ADCY9: variants seen among roughly 807,000 people sequenced by gnomAD.
ADCY9 encodes adenylate cyclase type 9.
A neutral mutation model predicts 101.5 loss-of-function variants in ADCY9; 50 were observed. That is an observed-to-expected ratio of 0.49 (90% confidence interval 0.39 to 0.62). The LOEUF is 0.62. Among genes scored for constraint, ADCY9 ranks in the 20% least tolerant of loss-of-function variants. ADCY9 has a pLI of 0.00. For synonymous variants in ADCY9, 905 were observed against 769.3 expected, an observed-to-expected ratio of 1.18 and a Z score of -2.92; for missense variants, 1,662 against 1,800.4, an observed-to-expected ratio of 0.92 and a Z score of 1.39.
chr16:3,962,477 CAT>C (rs1197086947), downstream of ADCY9, among the ~76,000 whole-genome samples: 3 of 152,030 alleles, frequency 2.0e-5, no homozygotes, highest in Non-Finnish European at 4.4e-5. Context: ...AAAAAAATAA[CAT>C]AAACACAAAC....
intron 6 of ADCY9, among the ~76,000 whole-genome samples, chr16:3,985,786 T>C (rs910810196): frequency 1.3e-5 from 2 of 152,108 alleles, no homozygotes; most frequent in African/African-American, 4.8e-5. Context: ...CAGTCTCTCC[T>C]GCCTGCCCTG....
At chr16:4,020,895 A>G (rs1320997324) in intron 2 of ADCY9, among the ~76,000 whole-genome samples, 1 of 152,166 alleles carries the variant, frequency 6.6e-6, no homozygotes, top group African/African-American at 2.4e-5. Flanking sequence ...ATGTTTTAGA[A>G]TAAAGAAACA....
intron 2 of ADCY9, among the ~76,000 whole-genome samples, chr16:4,090,528 C>T (rs1030927717): frequency 2.0e-5 from 3 of 151,988 alleles, no homozygotes; most frequent in East Asian, 3.8e-4. Context: ...CACTGCTGGC[C>T]GTGGAAACCG....
rs557688427 is a variant in ADCY9 at position 4,014,384 on chromosome 16, G to T, written c.1694-6826C>A. On this transcript the variant is annotated intron_variant, in intron 2 of 10. Coordinates refer to ENST00000294016, the MANE Select transcript of ADCY9 (RefSeq NM_001116.4). ...ATATGAGATGGATTTATGGAAGAAAGTGAAAGAAACAAAGGGTAGGCACCT... is the reference window on the plus strand; with the variant it reads ...ATATGAGATGGATTTATGGAAGAAATTGAAAGAAACAAAGGGTAGGCACCT... Among the ~76,000 whole-genome samples, 19 of 151,412 alleles carry T rather than the reference G, an allele frequency of 1.3e-4. 1 individual carries two copies. Among genetic ancestry groups the T allele is most frequent in the Non-Finnish European group, 2.2e-4 (15 of 67,878 alleles).
chr16:4,028,010 T>C (rs538016690), intron 2 of ADCY9, among the ~76,000 whole-genome samples: 1 of 152,210 alleles, frequency 6.6e-6, no homozygotes, highest in South Asian at 2.1e-4. Context: ...ATGTGGGAAT[T>C]GTGGGAGTCA....
intron 5 of ADCY9, among the ~76,000 whole-genome samples, chr16:3,954,384 A>G (rs1008722159): frequency 2.6e-5 from 4 of 152,044 alleles, no homozygotes; most frequent in African/African-American, 7.2e-5. Context: ...CTGGTCTGAG[A>G]GCCTGGCGTG....
chr16:4,107,224 G>GT (rs2057082846), intron 2 of ADCY9, among the ~76,000 whole-genome samples: 1 of 152,140 alleles, frequency 6.6e-6, no homozygotes, highest in Non-Finnish European at 1.5e-5. Flanking sequence ...CTGAGAGGCT[G>GT]TATTTCCACG....
At chr16:4,023,846 G>A (rs1463273446) in intron 2 of ADCY9, among the ~76,000 whole-genome samples, 26 of 152,072 alleles carry the variant, frequency 1.7e-4, no homozygotes. Context: ...GGAGGTGGAG[G>A]CTGCAGTGGG....
chr16:4,104,872 G>A (rs997786013), intron 2 of ADCY9, among the ~76,000 whole-genome samples: 4 of 151,794 alleles, frequency 2.6e-5, no homozygotes, highest in African/African-American at 9.7e-5. Flanking sequence ...TGGGTCGGGC[G>A]CAGTGGCTAA....
intron 2 of ADCY9, among the ~76,000 whole-genome samples, chr16:4,054,623 T>C (rs983239614): frequency 1.3e-5 from 2 of 151,528 alleles, no homozygotes; most frequent in Non-Finnish European, 2.9e-5. Flanking sequence ...CAGGCTGGAG[T>C]GCAGTGGCAC....
At chr16:4,058,062 G>C (rs2056752005) in intron 2 of ADCY9, among the ~76,000 whole-genome samples, 1 of 151,798 alleles carries the variant, frequency 6.6e-6, no homozygotes, top group Non-Finnish European at 1.5e-5. Context: ...GGGAGGTCGA[G>C]GCAGAAGAAT....
chr16:4,035,450 A>T (rs1291655825), intron 2 of ADCY9, among the ~76,000 whole-genome samples: 1 of 152,198 alleles, frequency 6.6e-6, no homozygotes, highest in African/African-American at 2.4e-5. Flanking sequence ...TGTAATTGCC[A>T]TACAGAGTGA....
intron 2 of ADCY9, among the ~76,000 whole-genome samples, chr16:4,103,063 A>T (rs1375343889): frequency 6.6e-6 from 1 of 152,232 alleles, no homozygotes; most frequent in Non-Finnish European, 1.5e-5. Context: ...TGAGCAACAA[A>T]GATTTACCAG....
chr16:4,098,543 C>T (rs2057023047), intron 2 of ADCY9, among the ~76,000 whole-genome samples: 1 of 152,136 alleles, frequency 6.6e-6, no homozygotes, highest in South Asian at 2.1e-4. Context: ...CTGTAATATT[C>T]ATTCATTTAT....
intron 3 of ADCY9, among the ~76,000 whole-genome samples, chr16:3,994,552 T>TCCAAGCGA (rs2056272356): frequency 6.6e-6 from 1 of 152,056 alleles, no homozygotes; most frequent in African/African-American, 2.4e-5. Context: ...ACCTCCTGGG[T>TCCAAGCGA]TCAAGCGATT....
rs1597187706 is a variant in ADCY9 at position 4,044,374 on chromosome 16, A to C, written c.1694-36816T>G. Among the ~76,000 whole-genome samples, 3 of 152,226 alleles carry C rather than the reference A, an allele frequency of 2.0e-5. No individual in the cohort carries two copies. The East Asian group carries it at 5.8e-4, about 29-fold the overall frequency. On this transcript the variant is annotated intron_variant, in intron 2 of 10. Transcript: ENST00000294016. ...AAAAAACAAAAAAACAAAAAAACAA[A>C]AAAAAAATTCTAAAACACTAGGTTT...
chr16:4,111,136 C>T (rs1018022256), intron 2 of ADCY9, among the ~76,000 whole-genome samples: 1 of 152,224 alleles, frequency 6.6e-6, no homozygotes, highest in Non-Finnish European at 1.5e-5. Flanking sequence ...GAGCTTCCTT[C>T]TGTGCTCCCA....
chr16:3,969,569 AATAT>A (rs57260468), intron 10 of ADCY9, among the ~76,000 whole-genome samples: 1,259 of 45,170 alleles, frequency 0.028, 41 homozygotes, highest in Middle Eastern at 0.12. Flanking sequence ...GTTTGTTTGA[AATAT>A]ATATATATAT....
Position 3,965,127 on chromosome 16 carries a change from CGGCTCACCCACA to C in ADCY9, c.*636_*647del, listed in dbSNP as rs1422813113. On this transcript the variant is annotated 3_prime_UTR_variant, in exon 11 of 11. Transcript: ENST00000294016. ...CTAAACCCGCTCAGTGCAGGGAGCG[CGGCTCACCCACA>C]GCCCACGGGGCGCGGTGCTCGGGAA... The C allele has an allele frequency of 6.4e-6, 1 of 155,386 alleles. No homozygotes were observed. The highest frequency in any genetic ancestry group is 1.4e-5 in the Non-Finnish European group (1 of 70,046). The allele number at this position is 155,386 out of a possible 1,614,324, so 9.6% of individuals were successfully genotyped here. A position where few individuals can be genotyped will look rare whatever the true frequency, so the allele number is the denominator to read the frequency against.
Sources: gnomAD v4.1 joint callset for allele counts (sites outside exome capture counted in the v4.1 genomes callset) on GRCh38, gnomAD v4.1.1 for gene constraint, MANE v1.5 for transcripts, NCBI Gene and HGNC (gene_info 2026-07-23, HGNC 2026-07-21) for gene names.